The following REL variants were observed in gnomAD, a reference collection of about 807,000 sequenced individuals.
REL encodes proto-oncogene c-Rel.
A neutral mutation model predicts 45.9 loss-of-function variants in REL; 15 were observed. The observed-to-expected ratio is 0.33, with a 90% confidence interval of 0.22 to 0.50. The LOEUF (loss-of-function observed/expected upper bound fraction) is 0.50. Among genes scored for constraint, REL ranks in the 20% least tolerant of loss-of-function variants. The pLI is 0.98. For missense variants in REL, 601 were observed against 715.2 expected, an observed-to-expected ratio of 0.84 and a Z score of 1.82; for synonymous variants, 239 against 242.1, an observed-to-expected ratio of 0.99 and a Z score of 0.12.
chr2:60,922,228 A>G lies in REL; in HGVS notation c.1457A>G (p.Asn486Ser), dbSNP rs1674162189. The G allele has an allele frequency of 1.2e-6, 2 of 1,614,044 alleles. No individual in the cohort carries two copies. Among genetic ancestry groups the G allele is most frequent in the African/African-American group, 1.3e-5 (1 of 74,934 alleles). The part of the protein sequence containing the change: ...ETDNPRLLSM[N>S]LENPSCNSVL... ...GATAATCCAAGACTTCTGAGCATGA[A>G]TCTTGAAAACCCCTCATGTAATTCA... Residue 486 changes from asparagine (N) to serine (S), a missense_variant, in exon 10 of 10, where the codon AAT (asparagine) becomes AGT (serine). Transcript: ENST00000394479.
chr2:60,890,187 C>G (rs1318536120), intron 1 of REL, among the ~76,000 whole-genome samples: 1 of 152,198 alleles, frequency 6.6e-6, no homozygotes, highest in Non-Finnish European at 1.5e-5. Flanking sequence ...ATTTGCATTT[C>G]TCTGATGGCC....
At chr2:60,919,932 A>T in intron 7 of REL, 109 bp from the exon 8 acceptor site, 1 of 672,322 alleles carries the variant, frequency 1.5e-6, no homozygotes, top group East Asian at 2.8e-5. Context: ...CAACTTACAT[A>T]CATATTTATT....
chr2:60,924,021 G>C lies in REL; in HGVS notation c.*1486G>C, dbSNP rs141119071. ...TGCAGCTCCAGGCACCTTGGCCTCAGTGCTCCTCAAAGCATCAAGTATGCA... is the reference window on the plus strand; with the variant it reads ...TGCAGCTCCAGGCACCTTGGCCTCACTGCTCCTCAAAGCATCAAGTATGCA... On this transcript the variant is annotated 3_prime_UTR_variant, in exon 10 of 10. Coordinates refer to ENST00000394479, the MANE Select transcript of REL (RefSeq NM_001291746.2). 548 of 232,836 alleles carry C rather than the reference G, an allele frequency of 2.4e-3. 8 individuals carry two copies. Among genetic ancestry groups the C allele is most frequent in the African/African-American group, 0.011 (516 of 45,410 alleles). The allele number at this position is 232,836 out of a possible 1,614,324, so 14.4% of individuals were successfully genotyped here. A position where few individuals can be genotyped will look rare whatever the true frequency, so the allele number is the denominator to read the frequency against.
At position 60,927,505 on chromosome 2, in the gene REL, A is replaced by G. The variant is rs1312971192; in HGVS notation, c.*4970A>G. ...ATTATTTCATAGCCCTGACCTTGCT[A>G]CTTCTCTCCACTTTATGTGGCAGGT... On this transcript the variant is annotated 3_prime_UTR_variant, in exon 10 of 10. Transcript: ENST00000394479. 8.7e-6 allele frequency: 2 copies of G among 228,860 alleles called. No homozygotes were observed. The highest frequency in any genetic ancestry group is 6.2e-5 in the East Asian group (1 of 16,158). 14.2% of individuals were successfully genotyped at this position (228,860 alleles called of 1,614,324 possible).
At chr2:60,912,121 T>C (rs1255454473) in intron 4 of REL, among the ~76,000 whole-genome samples, 1 of 151,374 alleles carries the variant, frequency 6.6e-6, no homozygotes, top group East Asian at 1.9e-4. Flanking sequence ...TGAGGAGAAA[T>C]TGACCTCATC....
intron 3 of REL, among the ~76,000 whole-genome samples, chr2:60,895,871 A>C (rs181000924): frequency 1.3e-3 from 201 of 152,354 alleles, no homozygotes; most frequent in African/African-American, 4.6e-3. Context: ...ATAGTAAGCA[A>C]AGGGGATTAA....
Position 60,925,948 on chromosome 2 carries a change from T to G in REL, c.*3413T>G, listed in dbSNP as rs560405819. The G allele has an allele frequency of 2.3e-3, 530 of 226,060 alleles. 5 individuals are homozygous for G. The highest frequency in any genetic ancestry group is 9.7e-3 in the African/African-American group (437 of 44,980). 14.0% of individuals were successfully genotyped at this position (226,060 alleles called of 1,614,324 possible). A position where few individuals can be genotyped will look rare whatever the true frequency, so the allele number is the denominator to read the frequency against. The stretch of plus-strand genomic sequence containing the variant: ...ATTAAGGTTCTGCTACCTCTGTGTG[T>G]AGAATATTCCCAATGGATTTTTCAT... On this transcript the variant is annotated 3_prime_UTR_variant, in exon 10 of 10. Transcript: ENST00000394479.
At position 60,894,561 on chromosome 2, in the gene REL, C is replaced by T; in HGVS notation, c.302+16C>T. ...GACCTTTGTTGTAAGTACACAGTTA[C>T]AGACATCTTCAGAAATAAGATAAGA... On this transcript the variant is annotated intron_variant, in intron 3 of 9. Transcript: ENST00000394479. The T allele has an allele frequency of 6.5e-7, 1 of 1,534,546 alleles. No individual in the cohort carries two copies. The highest frequency in any genetic ancestry group is 8.8e-7 in the Non-Finnish European group (1 of 1,137,862).
chr2:60,885,305 C>G (rs142856346), intron 1 of REL, among the ~76,000 whole-genome samples: 108 of 152,222 alleles, frequency 7.1e-4, no homozygotes, highest in African/African-American at 2.5e-3. Flanking sequence ...ATCTGGGCCT[C>G]CTCTGTTTTT....
chr2:60,894,264 G>C (rs1392825834), intron 2 of REL, 133 bp from the exon 3 acceptor site: 1 of 500,206 alleles, frequency 2.0e-6, no homozygotes, highest in African/African-American at 2.0e-5. Context: ...CTAAACTGCA[G>C]TTGTTCGTCA....
Position 60,922,184 on chromosome 2 carries a change from T to G in REL, c.1413T>G (p.Ser471Arg), listed in dbSNP as rs1423743601. The G allele has an allele frequency of 6.2e-7, 1 of 1,614,158 alleles. No homozygotes were observed. The highest frequency in any genetic ancestry group is 8.5e-7 in the Non-Finnish European group (1 of 1,180,002). ...NCSVNMMTTS[S>R]DSMGETDNPR... ...CTGTGAATATGATGACAACCAGCAG[T>G]GACAGCATGGGAGAGACTGATAATC... is the stretch of plus-strand genomic sequence containing the variant. The change falls in exon 10 of 10, where the codon AGT (serine) becomes AGG (arginine). Residue 471 changes from serine to arginine, a missense_variant. By Grantham distance (110) the Ser-to-Arg change is moderately radical (BLOSUM62 -1). Around this residue, in one of 4 missense-constraint regions of REL, gnomAD observed 334 missense variants for 333.1 expected, o/e 1.00. Coordinates refer to ENST00000394479, the MANE Select transcript of REL (RefSeq NM_001291746.2).
At chr2:60,892,200 A>C (rs1191372754) in intron 2 of REL, among the ~76,000 whole-genome samples, 1 of 152,192 alleles carries the variant, frequency 6.6e-6, no homozygotes, top group Non-Finnish European at 1.5e-5. Context: ...TAGATTAAAC[A>C]TGGATTTGAG....
intron 1 of REL, among the ~76,000 whole-genome samples, chr2:60,887,583 G>T (rs1673101753): frequency 6.6e-6 from 1 of 151,238 alleles, no homozygotes; most frequent in Non-Finnish European, 1.5e-5. Context: ...ACAGTTATTT[G>T]GAATAATTGC....
At chr2:60,912,354 G>C (rs1673843520) in intron 4 of REL, among the ~76,000 whole-genome samples, 1 of 151,874 alleles carries the variant, frequency 6.6e-6, no homozygotes, top group Non-Finnish European at 1.5e-5. Flanking sequence ...AAGCGTTTTG[G>C]TCTTATAAAT....
At chr2:60,899,611 A>C (rs934370542) in intron 3 of REL, 2 of 152,388 alleles carry the variant, frequency 1.3e-5, no homozygotes, top group African/African-American at 4.8e-5. Flanking sequence ...ATGAGTATGG[A>C]GACAGGCAGA....
Position 60,928,153 on chromosome 2 carries a change from G to GC in REL, c.*5619dup, listed in dbSNP as rs531297817. The GC allele has an allele frequency of 4.4e-4, 57 of 128,370 alleles. 1 individual carries two copies. The South Asian group carries it at 0.014, about 32-fold the overall frequency. The allele number at this position is 128,370 out of a possible 1,614,324, so 8.0% of individuals were successfully genotyped here. ...GGTAATATAAGGAAAACCTGTCTCT[G>GC]CAAAAAAAAAAAAAAAAAGAGGATA... On this transcript the variant is annotated 3_prime_UTR_variant, in exon 10 of 10. Transcript: ENST00000394479.
At chr2:60,908,120 A>G (rs559907900) in intron 4 of REL, among the ~76,000 whole-genome samples, 1 of 152,264 alleles carries the variant, frequency 6.6e-6, no homozygotes, top group African/African-American at 2.4e-5. Context: ...GCAATTAATC[A>G]TTGAAAGTTT....
chr2:60,916,472 G>T (rs1673964868), intron 4 of REL, among the ~76,000 whole-genome samples: 1 of 152,158 alleles, frequency 6.6e-6, no homozygotes, highest in African/African-American at 2.4e-5. Flanking sequence ...AGTAATTCTT[G>T]TACAGATTTA....
chr2:60,920,174 T>C, intron 8 of REL, 65 bp downstream of exon 8: 1 of 1,209,104 alleles, frequency 8.3e-7, no homozygotes, highest in South Asian at 1.3e-5. Context: ...ATTCAGTTTT[T>C]CAAATTTTAT....
Sources: allele counts gnomAD v4.1 joint callset (sites outside exome capture counted in the v4.1 genomes callset), GRCh38; gene constraint gnomAD v4.1.1; regional missense constraint gnomAD v4.1.1; transcripts MANE v1.5; gene names NCBI Gene and HGNC (gene_info 2026-07-23, HGNC 2026-07-21).